THRAP3: variants seen among roughly 807,000 people sequenced by gnomAD.
The protein encoded by THRAP3 is thyroid hormone receptor associated protein 3.
In THRAP3, 16 loss-of-function variants were observed where a neutral mutation model predicts 101.0. The ratio of observed to expected loss-of-function variants is 0.16; its 90% CI spans 0.11 to 0.24. THRAP3 has a LOEUF of 0.24. THRAP3 is among the 10% of genes least tolerant of loss of function. The pLI, the probability that THRAP3 is intolerant of heterozygous loss-of-function variation, is 1.00. For synonymous variants in THRAP3, 407 were observed against 422.6 expected, an observed-to-expected ratio of 0.96 and a Z score of 0.45; for missense variants, 989 against 1,202.7, an observed-to-expected ratio of 0.82 and a Z score of 2.63.
intron 1 of THRAP3, among the ~76,000 whole-genome samples, chr1:36,234,068 A>C (rs1276930025): frequency 1.3e-5 from 2 of 152,034 alleles, no homozygotes; most frequent in Admixed American, 1.3e-4. Context: ...GAGTCCTCCC[A>C]CCTCAGCCTC....
chr1:36,241,057 A>T (rs915968465), intron 1 of THRAP3, among the ~76,000 whole-genome samples: 1 of 151,896 alleles, frequency 6.6e-6, no homozygotes, highest in African/African-American at 2.4e-5. Context: ...ATACAAAAAA[A>T]TTATCCGGGC....
In THRAP3 at chr1:36,235,632, TGGGGAA is replaced by T. The variant is rs1645076520; in HGVS notation, c.-135+11128_-135+11133del. On this transcript the variant is annotated intron_variant, in intron 1 of 11. Transcript: ENST00000354618. Reference sequence around the variant, plus strand: ...ATGATGATTATTGTTGGTGAAGGTTTGGGGAAATTCTCAAACACTGCTGGTAGCAGT... The same window carrying T: ...ATGATGATTATTGTTGGTGAAGGTTTATTCTCAAACACTGCTGGTAGCAGT... Among the ~76,000 whole-genome samples the T allele has an allele frequency of 2.9e-4, 44 of 152,180 alleles. No homozygotes were observed. In the South Asian group the frequency reaches 9.1e-3, roughly 32 times the overall value.
At chr1:36,249,492 C>G (rs2124445350) in intron 1 of THRAP3, among the ~76,000 whole-genome samples, 1 of 152,270 alleles carries the variant, frequency 6.6e-6, no homozygotes, top group Middle Eastern at 3.4e-3. Context: ...CCCCCAGCCC[C>G]ACAGTCCCTA....
chr1:36,274,799 AT>A (rs1488333836), intron 2 of THRAP3, among the ~76,000 whole-genome samples: 2 of 150,922 alleles, frequency 1.3e-5, no homozygotes, highest in Non-Finnish European at 3.0e-5. Context: ...CGCCCAGCTA[AT>A]TTTTGTATTT....
intron 2 of THRAP3, among the ~76,000 whole-genome samples, chr1:36,260,202 A>G (rs541355000): frequency 1.3e-5 from 2 of 152,326 alleles, no homozygotes; most frequent in Admixed American, 1.3e-4. Flanking sequence ...AGATCTTGCC[A>G]CTGCCCTCCA....
chr1:36,220,953 C>CAAAAAAAAA (rs1206488922), upstream of THRAP3, among the ~76,000 whole-genome samples: 10 of 44,388 alleles, frequency 2.3e-4, no homozygotes, highest in African/African-American at 1.3e-3. Context: ...GAGACTGTCT[C>CAAAAAAAAA]AAAAAAAAAA....
At chr1:36,241,563 T>G (rs1338994341) in intron 1 of THRAP3, among the ~76,000 whole-genome samples, 1 of 150,850 alleles carries the variant, frequency 6.6e-6, no homozygotes, top group African/African-American at 2.5e-5. Flanking sequence ...GACTGAAGTT[T>G]AAGATCCGCT....
chr1:36,285,209 G>A (rs1645780279), intron 3 of THRAP3, among the ~76,000 whole-genome samples: 1 of 152,182 alleles, frequency 6.6e-6, no homozygotes, highest in Admixed American at 6.5e-5. Flanking sequence ...ATATGAGAAA[G>A]CCTGCTGATT....
chr1:36,284,069 T>C lies in THRAP3; in HGVS notation c.137+1369T>C, dbSNP rs186194612. Among the ~76,000 whole-genome samples the C allele has an allele frequency of 6.6e-3, 1,001 of 152,354 alleles. 19 individuals are homozygous for C. Among genetic ancestry groups the C allele is most frequent in the Admixed American group, 9.7e-3 (148 of 15,308 alleles). On this transcript the variant is annotated intron_variant, in intron 3 of 11. Coordinates refer to ENST00000354618, the MANE Select transcript of THRAP3 (RefSeq NM_005119.4). Reference sequence around the variant, plus strand: ...AGCTCATTTGGTTATGAAAGATACCTTTTTAAAATTTAATCTAGTAACTAG... The same window carrying C: ...AGCTCATTTGGTTATGAAAGATACCCTTTTAAAATTTAATCTAGTAACTAG...
intron 2 of THRAP3, among the ~76,000 whole-genome samples, chr1:36,271,890 G>A (rs1364921153): frequency 2.0e-5 from 3 of 151,066 alleles, no homozygotes; most frequent in African/African-American, 2.4e-5. Flanking sequence ...CACCGCACCC[G>A]GCCTAATTTT....
chr1:36,236,186 C>T (rs1018779130), intron 1 of THRAP3, among the ~76,000 whole-genome samples: 26 of 150,970 alleles, frequency 1.7e-4, no homozygotes, highest in African/African-American at 5.8e-4. Flanking sequence ...CGCCCCTGCA[C>T]TCCAGCCTGG....
At chr1:36,253,296 T>C (rs1275150793) in intron 1 of THRAP3, among the ~76,000 whole-genome samples, 1 of 152,150 alleles carries the variant, frequency 6.6e-6, no homozygotes, top group African/African-American at 2.4e-5. Flanking sequence ...TGCAGATAAA[T>C]CGCTTCCAAT....
chr1:36,280,214 T>C (rs977990742), intron 2 of THRAP3, among the ~76,000 whole-genome samples: 2 of 152,208 alleles, frequency 1.3e-5, no homozygotes, highest in East Asian at 3.8e-4. Flanking sequence ...AAAATTCTTA[T>C]CTGTAAAACG....
the THRAP3 span, among the ~76,000 whole-genome samples, chr1:36,210,105 G>A: frequency 0.012 from 1,879 of 151,958 alleles, 34 homozygotes; most frequent in African/African-American, 0.043. Context: ...AGTGGCTCAC[G>A]CCTGTAATCC....
intron 1 of THRAP3, among the ~76,000 whole-genome samples, chr1:36,248,499 GT>G (rs1645258949): frequency 6.8e-6 from 1 of 146,402 alleles, no homozygotes; most frequent in Non-Finnish European, 1.5e-5. Context: ...CTAGTCTGGA[GT>G]ACAGTGGTGC....
intron 2 of THRAP3, among the ~76,000 whole-genome samples, chr1:36,265,137 C>A (rs769498627): frequency 6.6e-6 from 1 of 152,086 alleles, no homozygotes; most frequent in African/African-American, 2.4e-5. Flanking sequence ...ACAACTGGAC[C>A]CATAACAGTT....
In THRAP3 at chr1:36,286,490, G is replaced by A. The variant is rs984232824; in HGVS notation, c.260G>A (p.Arg87His). The stretch of plus-strand genomic sequence containing the variant: ...GGCTATAGAAGGCCCTATTATTTCC[G>A]TGGGCGTAACAGAGGCTTTTATCCA... ...NRGYRRPYYF[R>H]GRNRGFYPWG... Residue 87 changes from arginine to histidine, a missense_variant, in exon 4 of 12, where the codon CGT becomes CAT. By Grantham distance (29) the Arg-to-His change is conservative (BLOSUM62 0). Transcript: ENST00000354618. The surrounding 1 kb of genome is among the most constrained non-coding windows in gnomAD (Gnocchi z 5.5). 7 of 1,613,992 alleles carry A rather than the reference G, an allele frequency of 4.3e-6. No homozygotes were observed. In the Admixed American group the frequency reaches 8.3e-5, roughly 19 times the overall value.
chr1:36,242,346 T>A (rs1645170875), intron 1 of THRAP3, among the ~76,000 whole-genome samples: 1 of 152,016 alleles, frequency 6.6e-6, no homozygotes, highest in Admixed American at 6.6e-5. Flanking sequence ...AGAGACCAGG[T>A]CTTGCCATGT....
At chr1:36,213,984 AGAAAGAAAGAAAG>A in the THRAP3 span, among the ~76,000 whole-genome samples, 1 of 110,328 alleles carries the variant, frequency 9.1e-6, no homozygotes, top group Non-Finnish European at 1.8e-5. Context: ...AAAGAAAGAA[AGAAAGAAAGAAAG>A]GAAAGAAAGA....
Sources: gnomAD v4.1 joint callset for allele counts (sites outside exome capture counted in the v4.1 genomes callset) on GRCh38, gnomAD v4.1.1 for gene constraint, Gnocchi (gnomAD v3.1) non-coding constraint, MANE v1.5 for transcripts, NCBI Gene and HGNC (gene_info 2026-07-23, HGNC 2026-07-21) for gene names.